CELF2: variants seen among roughly 807,000 people sequenced by gnomAD.
CELF2 encodes the protein CUG triplet repeat RNA-binding protein 2.
Under a neutral mutation model 62.6 loss-of-function variants are expected in CELF2, and 8 were observed. That is an observed-to-expected ratio of 0.13 (90% CI 0.07 to 0.23). The LOEUF is 0.23. Ranked by LOEUF, CELF2 falls within the 10% of genes least tolerant of loss-of-function variation. The pLI is 1.00. For missense variants in CELF2, 333 were observed against 671.0 expected (o/e 0.50, Z 5.56); for synonymous variants, 258 against 250.0 (o/e 1.03, Z -0.30).
chr10:11,174,565 G>C (rs2070296249), intron 2 of CELF2, among the ~76,000 whole-genome samples: 1 of 152,200 alleles, frequency 6.6e-6, no homozygotes, highest in South Asian at 2.1e-4. Context: ...ATTTCTACTG[G>C]AAGATCATAA....
chr10:10,636,776 T>C, the CELF2 span, among the ~76,000 whole-genome samples: 2 of 152,230 alleles, frequency 1.3e-5, no homozygotes, highest in East Asian at 1.9e-4. Context: ...AGACCTTCCA[T>C]GTGAAGATGA....
In CELF2 at chr10:11,244,809, T is replaced by G. The variant is rs571135142; in HGVS notation, c.355-4344T>G. On this transcript the variant is annotated intron_variant, in intron 3 of 12. Transcript: ENST00000633077. The surrounding 1 kb of genome is among the most constrained non-coding windows in gnomAD (Gnocchi z 4.2). Reference sequence around the variant, plus strand: ...ATTGTTCTTTTCCCTGAAATGTCCTTTCCACATCTTCCGGTTAACATGAGG... The same window carrying G: ...ATTGTTCTTTTCCCTGAAATGTCCTGTCCACATCTTCCGGTTAACATGAGG... 6.3e-4 allele frequency among the ~76,000 whole-genome samples: 96 copies of G among 152,322 alleles called. No individual in the cohort carries two copies. The highest frequency in any genetic ancestry group is 2.3e-3 in the African/African-American group (95 of 41,574).
At chr10:10,638,163 C>T in the CELF2 span, among the ~76,000 whole-genome samples, 1 of 152,180 alleles carries the variant, frequency 6.6e-6, no homozygotes, top group East Asian at 1.9e-4. Flanking sequence ...TTTGTGCATA[C>T]ACTTTAATGC....
chr10:11,232,434 G>A (rs1253128768), intron 3 of CELF2, among the ~76,000 whole-genome samples: 1 of 152,054 alleles, frequency 6.6e-6, no homozygotes, highest in Non-Finnish European at 1.5e-5. Flanking sequence ...TGATCTTGGG[G>A]GGAAAAAATA....
intron 9 of CELF2, among the ~76,000 whole-genome samples, chr10:11,295,235 T>G (rs558662645): frequency 6.6e-6 from 1 of 152,114 alleles, no homozygotes; most frequent in Non-Finnish European, 1.5e-5. Context: ...TCAACAAATA[T>G]GTATCAAGCA....
chr10:11,164,435 A>G (rs2066471528), intron 1 of CELF2, among the ~76,000 whole-genome samples: 1 of 152,214 alleles, frequency 6.6e-6, no homozygotes, highest in Non-Finnish European at 1.5e-5. Flanking sequence ...AACAGCGTTG[A>G]GGAGGACTGA....
chr10:10,984,298 G>A (rs773537430), intron 2 of CELF2, among the ~76,000 whole-genome samples: 3 of 152,110 alleles, frequency 2.0e-5, no homozygotes, highest in Non-Finnish European at 4.4e-5. Context: ...AAAACTAAAC[G>A]AAGTGTTGAT....
the CELF2 span, among the ~76,000 whole-genome samples, chr10:10,714,717 T>C: frequency 6.6e-6 from 1 of 152,100 alleles, no homozygotes; most frequent in Admixed American, 6.6e-5. Flanking sequence ...GAAAATAACT[T>C]CTCCAAAATG....
chr10:11,119,872 C>G lies in CELF2; in HGVS notation c.75-45614C>G, dbSNP rs548135683. 6.3e-4 allele frequency among the ~76,000 whole-genome samples: 92 copies of G among 146,594 alleles called. 1 individual carries two copies. The highest frequency in any genetic ancestry group is 1.1e-3 in the African/African-American group (44 of 39,110). The stretch of plus-strand genomic sequence containing the variant: ...GGCTGCTTGATTCCGCCTCCCCCCC[C>G]CCGGCCCCCGCTTTTTTGTTTATTG... On this transcript the variant is annotated intron_variant, in intron 1 of 12. Transcript: ENST00000633077.
In CELF2 at chr10:11,246,552, T is replaced by C. The variant is rs1046130596; in HGVS notation, c.355-2601T>C. ...TACTTCTGATAAATCCCGTGAAGAA[T>C]TTTTTATTGCCAGATCCAAATTCTT... On this transcript the variant is annotated intron_variant, in intron 3 of 12. Coordinates refer to ENST00000633077, the MANE Select transcript of CELF2 (RefSeq NM_001326342.2). The surrounding 1 kb of genome is among the most constrained non-coding windows in gnomAD (Gnocchi z 4.6). Among the ~76,000 whole-genome samples, 4 of 152,204 alleles carry C rather than the reference T, an allele frequency of 2.6e-5. No homozygotes were observed. Among genetic ancestry groups the C allele is most frequent in the Non-Finnish European group, 4.4e-5 (3 of 68,034 alleles).
chr10:10,494,063 T>C, the CELF2 span, among the ~76,000 whole-genome samples: 3 of 152,242 alleles, frequency 2.0e-5, no homozygotes, highest in African/African-American at 7.2e-5. Context: ...TTTACACTAA[T>C]GTCTCTCCCA....
chr10:10,504,834 C>T, the CELF2 span, among the ~76,000 whole-genome samples: 1 of 152,124 alleles, frequency 6.6e-6, no homozygotes, highest in African/African-American at 2.4e-5. Flanking sequence ...ATCCACTGAG[C>T]TTTTTATTTT....
At chr10:10,996,696 G>A (rs1055778846) in intron 2 of CELF2, among the ~76,000 whole-genome samples, 1 of 152,076 alleles carries the variant, frequency 6.6e-6, no homozygotes, top group African/African-American at 2.4e-5. Context: ...TCTTTTGCTG[G>A]AACATCCTCC....
rs2053684405 is a variant in CELF2 at position 10,993,922 on chromosome 10, G to C, written c.89+73923G>C. ...CTTATCAGAAAAAAAAGACACTAGA[G>C]ATGTGCAGGCATAGGGAGAAGGCTC... is the stretch of plus-strand genomic sequence containing the variant. On this transcript the variant is annotated intron_variant, in intron 2 of 13. Transcript: ENST00000636488. The surrounding 1 kb of genome is among the most constrained non-coding windows in gnomAD (Gnocchi z 5.3). 3.3e-5 allele frequency among the ~76,000 whole-genome samples: 5 copies of C among 152,194 alleles called. No individual in the cohort carries two copies. Among genetic ancestry groups the C allele is most frequent in the Admixed American group, 3.3e-4 (5 of 15,276 alleles).
chr10:10,966,379 A>G (rs1213706976), intron 2 of CELF2, among the ~76,000 whole-genome samples: 1 of 152,110 alleles, frequency 6.6e-6, no homozygotes, highest in South Asian at 2.1e-4. Context: ...TGTAATATAA[A>G]TGGCTGAGGA....
At chr10:10,546,873 G>C in the CELF2 span, among the ~76,000 whole-genome samples, 18 of 151,870 alleles carry the variant, frequency 1.2e-4, no homozygotes, top group South Asian at 6.3e-4. Flanking sequence ...TTGAGAGACC[G>C]AGGCAGGGGG....
intron 1 of CELF2, among the ~76,000 whole-genome samples, chr10:10,815,734 A>G (rs959407622): frequency 1.8e-4 from 28 of 152,136 alleles, no homozygotes; most frequent in Non-Finnish European, 3.7e-4. Flanking sequence ...TGTCTTTTGC[A>G]TACGTTCTGT....
chr10:11,121,877 G>A (rs1052677574), intron 1 of CELF2, among the ~76,000 whole-genome samples: 7 of 152,146 alleles, frequency 4.6e-5, no homozygotes, highest in Admixed American at 6.5e-5. Flanking sequence ...ACAGGGGAGA[G>A]TAGAGACGAT....
the CELF2 span, among the ~76,000 whole-genome samples, chr10:10,531,343 C>T: frequency 6.6e-6 from 1 of 152,170 alleles, no homozygotes; most frequent in Admixed American, 6.5e-5. Context: ...CAGCAGCCCC[C>T]AGGTGATTTT....
Sources: allele counts gnomAD v4.1 joint callset (sites outside exome capture counted in the v4.1 genomes callset), GRCh38; gene constraint gnomAD v4.1.1; non-coding constraint Gnocchi (gnomAD v3.1); transcripts MANE v1.5; gene names NCBI Gene and HGNC (gene_info 2026-07-23, HGNC 2026-07-21).